UGCG: variants seen among roughly 807,000 people sequenced by gnomAD.
UGCG encodes UDP-glucose ceramide glucosyltransferase.
Under a neutral mutation model 49.5 loss-of-function variants are expected in UGCG, and 10 were observed. The observed-to-expected ratio is 0.20, with a 90% CI of 0.12 to 0.34. The LOEUF is 0.34. Among genes scored for constraint, UGCG ranks in the 10% least tolerant of loss-of-function variants. The pLI, the probability that UGCG is intolerant of heterozygous loss-of-function variation, is 1.00. For missense variants in UGCG, 312 were observed against 483.7 expected (o/e 0.65, Z 3.33); for synonymous variants, 182 against 158.2 (o/e 1.15, Z -1.13).
intron 5 of UGCG, among the ~76,000 whole-genome samples, chr9:111,928,328 T>C (rs1055904146): frequency 3.9e-5 from 6 of 152,222 alleles, no homozygotes; most frequent in Admixed American, 3.3e-4. Context: ...TACAATGTGT[T>C]CTAGTATACC....
chr9:111,931,113 C>T lies in UGCG; in HGVS notation c.738-158C>T, dbSNP rs117263215. On this transcript the variant is annotated intron_variant, in intron 6 of 8. Coordinates refer to ENST00000374279, the MANE Select transcript of UGCG (RefSeq NM_003358.3). Reference sequence around the variant, plus strand: ...CAGCATAATTGCTAAAACATCCATACGTATGGTAGACCTTAAGTCATGTGC... The same window carrying T: ...CAGCATAATTGCTAAAACATCCATATGTATGGTAGACCTTAAGTCATGTGC... Among the ~76,000 whole-genome samples, 152 of 152,308 alleles carry T rather than the reference C, an allele frequency of 1.0e-3. 1 individual carries two copies. The highest frequency in any genetic ancestry group is 7.9e-3 in the East Asian group (41 of 5,192).
intron 1 of UGCG, among the ~76,000 whole-genome samples, chr9:111,906,822 GC>G (rs1837894702): frequency 6.6e-6 from 1 of 152,022 alleles, no homozygotes; most frequent in African/African-American, 2.4e-5. Flanking sequence ...CATCTCCCCT[GC>G]CTGTACTTTA....
chr9:111,910,219 A>T (rs1837970627), intron 1 of UGCG, among the ~76,000 whole-genome samples: 1 of 152,254 alleles, frequency 6.6e-6, no homozygotes. Flanking sequence ...AGTACAGCTT[A>T]GATGATCTTC....
chr9:111,906,181 C>T (rs558073984), intron 1 of UGCG, among the ~76,000 whole-genome samples: 2 of 152,008 alleles, frequency 1.3e-5, no homozygotes, highest in African/African-American at 2.4e-5. Context: ...GATGTCACCA[C>T]TTGATGTCTT....
chr9:111,905,195 G>A (rs192407972), intron 1 of UGCG, among the ~76,000 whole-genome samples: 201 of 152,174 alleles, frequency 1.3e-3, no homozygotes, highest in African/African-American at 4.4e-3. Flanking sequence ...CTTTTTAACC[G>A]ATTTTTAGCT....
In UGCG at chr9:111,914,830, A is replaced by G. The variant is rs1164455937; in HGVS notation, c.240+84A>G. The G allele has an allele frequency of 1.9e-6, 3 of 1,541,384 alleles. No homozygotes were observed. The African/African-American group carries it at 4.2e-5, about 21-fold the overall frequency. Reference sequence around the variant, plus strand: ...AAACATTTAGGGATTTTAACACTGTATAAGGTGAAGGTATTAAAAATTCAT... The same window carrying G: ...AAACATTTAGGGATTTTAACACTGTGTAAGGTGAAGGTATTAAAAATTCAT... On this transcript the variant is annotated intron_variant, in intron 2 of 8. Transcript: ENST00000374279.
At chr9:111,932,103 G>GAA in intron 7 of UGCG, 67 bp from the exon 8 acceptor site, 7 of 1,315,994 alleles carry the variant, frequency 5.3e-6, no homozygotes, top group Non-Finnish European at 6.2e-6. Context: ...TTATTTGAGG[G>GAA]AAAAAAAAAA....
At chr9:111,911,965 G>GATATATATATAT (rs1158195533) in intron 1 of UGCG, among the ~76,000 whole-genome samples, 2 of 48,468 alleles carry the variant, frequency 4.1e-5, no homozygotes, top group African/African-American at 1.6e-4. Flanking sequence ...TATTCAACAG[G>GATATATATATAT]ATATATATAT....
In UGCG at chr9:111,914,800, A is replaced by T. The variant is rs963537425; in HGVS notation, c.240+54A>T. The stretch of plus-strand genomic sequence containing the variant: ...TGTTTTGTTTTGTTTTGTTCCCCTC[A>T]TGATAAACATTTAGGGATTTTAACA... On this transcript the variant is annotated intron_variant, in intron 2 of 8. Coordinates refer to ENST00000374279, the MANE Select transcript of UGCG (RefSeq NM_003358.3). 1.1e-5 allele frequency: 17 copies of T among 1,602,350 alleles called. No homozygotes were observed. In the East Asian group the frequency reaches 3.8e-4, roughly 36 times the overall value.
intron 2 of UGCG, among the ~76,000 whole-genome samples, chr9:111,916,536 C>T (rs1039353233): frequency 7.9e-5 from 12 of 152,238 alleles, no homozygotes; most frequent in African/African-American, 2.9e-4. Context: ...GTGGCACAGT[C>T]GTGGCTCACT....
intron 8 of UGCG, among the ~76,000 whole-genome samples, 154 bp downstream of exon 8, chr9:111,932,513 T>C (rs1320521618): frequency 2.0e-5 from 3 of 152,248 alleles, no homozygotes; most frequent in Non-Finnish European, 2.9e-5. Flanking sequence ...TAGTGGAATG[T>C]TGATGCAAAA....
At chr9:111,906,537 C>G (rs1052090714) in intron 1 of UGCG, among the ~76,000 whole-genome samples, 1 of 152,158 alleles carries the variant, frequency 6.6e-6, no homozygotes, top group Non-Finnish European at 1.5e-5. Context: ...TCAAGTGATT[C>G]TCCTGCCTCA....
At chr9:111,925,621 A>C (rs910139933) in intron 4 of UGCG, among the ~76,000 whole-genome samples, 9 of 152,380 alleles carry the variant, frequency 5.9e-5, no homozygotes, top group African/African-American at 1.9e-4. Context: ...GCACTGACCT[A>C]GAATGAGTAT....
intron 2 of UGCG, among the ~76,000 whole-genome samples, chr9:111,916,659 T>C (rs1034288082): frequency 1.3e-5 from 2 of 151,590 alleles, no homozygotes; most frequent in Non-Finnish European, 2.9e-5. Flanking sequence ...TTGTAGAGGG[T>C]GTTGCCATGT....
intron 2 of UGCG, among the ~76,000 whole-genome samples, chr9:111,916,423 C>G (rs62570260): frequency 0.018 from 2,806 of 152,210 alleles, 37 homozygotes; most frequent in Non-Finnish European, 0.029. Flanking sequence ...GGTTTAAATG[C>G]TTGAGGAAGT....
rs564029650 is a variant in UGCG, at chr9:111,927,523, C to T, written c.558+1027C>T. 3.2e-3 allele frequency among the ~76,000 whole-genome samples: 492 copies of T among 152,028 alleles called. 1 individual carries two copies. The highest frequency in any genetic ancestry group is 5.6e-3 in the Non-Finnish European group (384 of 67,968). On this transcript the variant is annotated intron_variant, in intron 5 of 8. Transcript: ENST00000374279. The stretch of plus-strand genomic sequence containing the variant: ...CTGGAGTGCAGTGGCGCGATCTCGG[C>T]TCACTGCAAGCTCCGCCTCCCGGGT...
chr9:111,899,652 A>C (rs1240636070), intron 1 of UGCG, among the ~76,000 whole-genome samples: 1 of 152,064 alleles, frequency 6.6e-6, no homozygotes, highest in East Asian at 1.9e-4. Flanking sequence ...TACATTTTCT[A>C]ACTCTGTTAT....
At chr9:111,911,281 T>C (rs543963036) in intron 1 of UGCG, among the ~76,000 whole-genome samples, 1 of 152,136 alleles carries the variant, frequency 6.6e-6, no homozygotes, top group East Asian at 1.9e-4. Flanking sequence ...ACTGAAGAGG[T>C]TTTTTTCTCA....
intron 1 of UGCG, among the ~76,000 whole-genome samples, chr9:111,907,628 C>CT (rs11398860): frequency 0.28 from 38,740 of 139,714 alleles, 7,499 homozygotes; most frequent in African/African-American, 0.52. Flanking sequence ...CATTTTCTTT[C>CT]TTTTTTTTTT....
Sources: allele counts gnomAD v4.1 joint callset (sites outside exome capture counted in the v4.1 genomes callset), GRCh38; gene constraint gnomAD v4.1.1; transcripts MANE v1.5; gene names NCBI Gene and HGNC (gene_info 2026-07-23, HGNC 2026-07-21).